The following CDKN2C variants were observed in gnomAD, a reference collection of about 807,000 sequenced individuals.
The protein encoded by CDKN2C is cyclin-dependent kinase 4 inhibitor C.
Under a neutral mutation model 11.0 loss-of-function variants are expected in CDKN2C, and 5 were observed. That is an observed-to-expected ratio of 0.45 (90% CI 0.24 to 0.95). CDKN2C has a LOEUF of 0.95. Among genes scored for constraint, CDKN2C ranks in the 40% least tolerant of loss-of-function variants. The pLI, the probability that CDKN2C is intolerant of heterozygous loss-of-function variation, is 0.21. For missense variants in CDKN2C, 161 were observed against 211.9 expected (o/e 0.76, Z 1.49); for synonymous variants, 79 against 88.3 (o/e 0.89, Z 0.59).
chr1:50,965,240 C>T (rs780656743), intron 1 of CDKN2C, among the ~76,000 whole-genome samples: 1 of 151,992 alleles, frequency 6.6e-6, no homozygotes, highest in Non-Finnish European at 1.5e-5. Context: ...TGGCTCACAC[C>T]TGTAATCCTA....
At chr1:50,971,140 T>G (rs1334828982) in intron 1 of CDKN2C, among the ~76,000 whole-genome samples, 2 of 152,258 alleles carry the variant, frequency 1.3e-5, no homozygotes, top group Non-Finnish European at 2.9e-5. Context: ...CATGCCGTGG[T>G]GTGCTCTAAT....
rs2147958542 is a variant in CDKN2C at position 50,974,123 on chromosome 1, G to A, written c.360G>A (p.Glu120=). The stretch of plus-strand genomic sequence containing the variant: ...AAGAAGGCCACCTCCGGGTGGTGGA[G>A]TTCCTGGTGAAGCACACGGCCAGCA... ...AAKEGHLRVV[E]FLVKHTASNV... The change falls in exon 2 of 2, where the codon GAG becomes GAA. Residue 120 remains glutamate, a synonymous_variant. Transcript: ENST00000371761. 3 of 1,614,198 alleles carry A rather than the reference G, an allele frequency of 1.9e-6. No individual in the cohort carries two copies. The highest frequency in any genetic ancestry group is 2.5e-6 in the Non-Finnish European group (3 of 1,180,030).
intron 1 of CDKN2C, among the ~76,000 whole-genome samples, chr1:50,964,789 C>T (rs1206731691): frequency 2.6e-5 from 4 of 152,198 alleles, no homozygotes; most frequent in Non-Finnish European, 5.9e-5. Context: ...TGTGTGGTGG[C>T]TCACACCTGT....
intron 1 of CDKN2C, among the ~76,000 whole-genome samples, chr1:50,972,018 T>C (rs1304123153): frequency 1.3e-5 from 2 of 152,158 alleles, no homozygotes; most frequent in Admixed American, 6.5e-5. Flanking sequence ...CCGTTTCCAA[T>C]ATTGCTATTA....
intron 1 of CDKN2C, among the ~76,000 whole-genome samples, chr1:50,962,741 A>T (rs78181360): frequency 6.6e-6 from 1 of 152,242 alleles, no homozygotes; most frequent in African/African-American, 2.4e-5. Context: ...ATATATTAGT[A>T]CTGCTTTTCC....
intron 1 of CDKN2C, among the ~76,000 whole-genome samples, chr1:50,963,343 A>G (rs1447620158): frequency 6.6e-6 from 1 of 152,264 alleles, no homozygotes; most frequent in Non-Finnish European, 1.5e-5. Context: ...AAGTCTTGTG[A>G]ACATAACAGA....
intron 1 of CDKN2C, among the ~76,000 whole-genome samples, chr1:50,973,101 A>T (rs1645388934): frequency 6.6e-6 from 1 of 152,180 alleles, no homozygotes; most frequent in Non-Finnish European, 1.5e-5. Flanking sequence ...CATATCAGGA[A>T]CTTAGTTTTA....
chr1:50,964,914 C>T (rs1311530280), intron 1 of CDKN2C, among the ~76,000 whole-genome samples: 1 of 151,786 alleles, frequency 6.6e-6, no homozygotes, highest in East Asian at 1.9e-4. Context: ...ATTAGCCGGG[C>T]GTGGTGGTGC....
At chr1:50,967,274 A>T (rs974840500), upstream of CDKN2C, among the ~76,000 whole-genome samples, 1 of 152,248 alleles carries the variant, frequency 6.6e-6, no homozygotes, top group Non-Finnish European at 1.5e-5. Flanking sequence ...ATGGAATCTT[A>T]AATGTTTCTA....
chr1:50,965,057 T>TACAG (rs1553155131), intron 1 of CDKN2C, among the ~76,000 whole-genome samples: 2 of 147,324 alleles, frequency 1.4e-5, no homozygotes, highest in South Asian at 4.4e-4. Context: ...GTCTCAAAAA[T>TACAG]ATAGATAGAT....
chr1:50,964,066 A>T (rs1036006381), intron 1 of CDKN2C, among the ~76,000 whole-genome samples: 12 of 152,098 alleles, frequency 7.9e-5, no homozygotes, highest in African/African-American at 2.9e-4. Context: ...GAATGTTCCT[A>T]TATGCTTTTA....
chr1:50,964,895 G>C (rs901009610), intron 1 of CDKN2C, among the ~76,000 whole-genome samples: 6 of 151,560 alleles, frequency 4.0e-5, no homozygotes, highest in Admixed American at 3.3e-4. Flanking sequence ...CTCTACTAAA[G>C]ATACAAAAAT....
chr1:50,973,465 A>C (rs1645390722), intron 1 of CDKN2C, among the ~76,000 whole-genome samples: 1 of 152,254 alleles, frequency 6.6e-6, no homozygotes, highest in South Asian at 2.1e-4. Context: ...TTCTAGAATT[A>C]ATACCACAGG....
At chr1:50,964,523 G>A (rs1464662525) in intron 1 of CDKN2C, among the ~76,000 whole-genome samples, 1 of 152,180 alleles carries the variant, frequency 6.6e-6, no homozygotes, top group East Asian at 1.9e-4. Context: ...TGTAATTCAT[G>A]AGAAAACTAA....
Position 50,974,031 on chromosome 1 carries a change from C to T in CDKN2C, c.268C>T (p.Leu90=), listed in dbSNP as rs2147958402. The T allele has an allele frequency of 6.2e-7, 1 of 1,614,200 alleles. No individual in the cohort carries two copies. Among genetic ancestry groups the T allele is most frequent in the East Asian group, 2.2e-5 (1 of 44,888 alleles). Residue 90 remains leucine (L), a synonymous_variant, in exon 2 of 2, where the codon CTG becomes TTG. Coordinates refer to ENST00000371761, the MANE Select transcript of CDKN2C (RefSeq NM_078626.3). ...TTTCCTGGACACTTTACAGACTTTG[C>T]TGGAGTTTCAAGCTGATGTTAACAT... is the stretch of plus-strand genomic sequence containing the variant. The part of the protein sequence containing the change: ...AGFLDTLQTL[L]EFQADVNIED...
upstream of CDKN2C, chr1:50,969,555 C>T (rs1460026620): frequency 3.9e-5 from 6 of 152,200 alleles, no homozygotes; most frequent in Admixed American, 6.5e-5. The surrounding 1 kb of genome is among the most constrained non-coding windows in gnomAD (Gnocchi z 6.6). Context: ...CTCTGAGGCT[C>T]GGCGGGGCTG....
chr1:50,973,829 TA>T, intron 1 of CDKN2C, 63 bp from the exon 2 acceptor site: 1 of 1,563,998 alleles, frequency 6.4e-7, no homozygotes, highest in Non-Finnish European at 8.8e-7. Context: ...GACAGGCAGA[TA>T]TTTTAAAATA....
chr1:50,966,750 A>C (rs1371667259), upstream of CDKN2C, among the ~76,000 whole-genome samples: 1 of 152,186 alleles, frequency 6.6e-6, no homozygotes, highest in East Asian at 1.9e-4. Flanking sequence ...AAAAAAAAAA[A>C]AAAACCTTTG....
rs748119999 is a variant in CDKN2C at position 50,974,299 on chromosome 1, C to G, written c.*29C>G. The G allele has an allele frequency of 4.6e-6, 7 of 1,522,456 alleles. No homozygotes were observed. Among genetic ancestry groups the G allele is most frequent in the African/African-American group, 1.4e-5 (1 of 71,868 alleles). 94.3% of individuals were successfully genotyped at this position (1,522,456 alleles called of 1,614,324 possible). On this transcript the variant is annotated 3_prime_UTR_variant, in exon 2 of 2. Transcript: ENST00000371761. ...TGGGGAGGGCTCCCCCACGTTGCCT[C>G]TACTTTATCAATTAACTGAGTAGCT...
Sources: allele counts gnomAD v4.1 joint callset (sites outside exome capture counted in the v4.1 genomes callset), GRCh38; gene constraint gnomAD v4.1.1; non-coding constraint Gnocchi (gnomAD v3.1); transcripts MANE v1.5; gene names NCBI Gene and HGNC (gene_info 2026-07-23, HGNC 2026-07-21).